CAPS2: variants seen among roughly 807,000 people sequenced by gnomAD.
The protein encoded by CAPS2 is calcyphosine 2.
A neutral mutation model predicts 86.5 loss-of-function variants in CAPS2; 98 were observed. The ratio of observed to expected loss-of-function variants is 1.13; its 90% CI spans 0.96 to 1.34. CAPS2 has a LOEUF of 1.34. CAPS2 is among the 40% of genes most tolerant of loss of function. The pLI, the probability that CAPS2 is intolerant of heterozygous loss-of-function variation, is 0.00. For missense variants in CAPS2, 729 were observed against 686.8 expected (o/e 1.06, Z -0.69); for synonymous variants, 210 against 225.1 (o/e 0.93, Z 0.60).
At chr12:75,363,303 T>C (rs1566004314) in intron 1 of CAPS2, 1 of 437,642 alleles carries the variant, frequency 2.3e-6, no homozygotes, top group Non-Finnish European at 4.0e-6. Context: ...GATTTGACTG[T>C]TGTTATCTTA....
chr12:75,347,034 G>A (rs899794237), intron 1 of CAPS2, among the ~76,000 whole-genome samples: 2 of 151,068 alleles, frequency 1.3e-5, no homozygotes, highest in African/African-American at 4.9e-5. Flanking sequence ...TTCCATAGAA[G>A]TCTTCTTCCT....
intron 11 of CAPS2, among the ~76,000 whole-genome samples, chr12:75,297,202 A>C (rs2037055039): frequency 6.6e-6 from 1 of 152,224 alleles, no homozygotes; most frequent in South Asian, 2.1e-4. Context: ...AAACTACACT[A>C]AATTTTTGGA....
intron 12 of CAPS2, among the ~76,000 whole-genome samples, chr12:75,292,608 T>C (rs1233955072): frequency 6.8e-6 from 1 of 146,854 alleles, no homozygotes; most frequent in African/African-American, 2.5e-5. Flanking sequence ...ATACATATTA[T>C]ATATGTATCT....
chr12:75,335,758 A>G (rs563821016), intron 1 of CAPS2, among the ~76,000 whole-genome samples: 121 of 152,224 alleles, frequency 7.9e-4, no homozygotes, highest in Non-Finnish European at 1.5e-3. Context: ...AGAATAAACT[A>G]ATCTCTTTAA....
intron 13 of CAPS2, among the ~76,000 whole-genome samples, 175 bp downstream of exon 13, chr12:75,291,569 A>G (rs1215288085): frequency 6.0e-5 from 1 of 16,552 alleles, no homozygotes; most frequent in South Asian, 2.1e-3. Context: ...TTTTAAAAGT[A>G]TATATATATA....
intron 8 of CAPS2, among the ~76,000 whole-genome samples, chr12:75,301,284 C>T (rs2037782377): frequency 6.6e-6 from 1 of 152,182 alleles, no homozygotes; most frequent in Non-Finnish European, 1.5e-5. Context: ...GAAAGCTACA[C>T]CTCTATAAAA....
chr12:75,290,481 G>T (rs1467149332), intron 13 of CAPS2, among the ~76,000 whole-genome samples: 2 of 152,006 alleles, frequency 1.3e-5, no homozygotes, highest in Non-Finnish European at 2.9e-5. Flanking sequence ...GACAAATACT[G>T]TATTGACAAT....
In CAPS2 at chr12:75,316,386, T is replaced by C. The variant is rs1394932746; in HGVS notation, c.517A>G (p.Arg173Gly). Residue 173 changes from arginine to glycine, a missense_variant, in exon 6 of 17, where the codon AGG (arginine) becomes GGG (glycine). By Grantham distance (125) the Arg-to-Gly change is moderately radical. Transcript: ENST00000393284. ...TAACCTTGCTGTAAGATGGCTTTCC[T>C]ATCCAGAGTCGTAAGGTCATCTGTG... 2.6e-6 allele frequency: 4 copies of C among 1,550,962 alleles called. No homozygotes were observed. The highest frequency in any genetic ancestry group is 1.4e-5 in the African/African-American group (1 of 73,022).
chr12:75,298,513 TG>T, intron 11 of CAPS2, 173 bp downstream of exon 11: 1 of 532,868 alleles, frequency 1.9e-6, no homozygotes, highest in Non-Finnish European at 3.4e-6. Context: ...GATTTGGGGC[TG>T]GGAAGCAGAA....
At chr12:75,387,373 T>C (rs2045345765) in intron 1 of CAPS2, among the ~76,000 whole-genome samples, 1 of 152,106 alleles carries the variant, frequency 6.6e-6, no homozygotes, top group South Asian at 2.1e-4. Flanking sequence ...ACACACCTTT[T>C]AGAATGGCCA....
intron 1 of CAPS2, chr12:75,343,640 A>T: frequency 1.5e-6 from 2 of 1,337,836 alleles, no homozygotes; most frequent in Non-Finnish European, 2.0e-6. Flanking sequence ...AATTAGAATA[A>T]TTTAATGCAA....
At chr12:75,351,545 G>GTTTTTTTTTTTT (rs200327101) in intron 1 of CAPS2, among the ~76,000 whole-genome samples, 1 of 148,430 alleles carries the variant, frequency 6.7e-6, no homozygotes, top group African/African-American at 2.5e-5. Flanking sequence ...ACTCTGTTTT[G>GTTTTTTTTTTTT]TTTTGTTTTT....
rs1291742303 is a variant in CAPS2 at position 75,311,713 on chromosome 12, AAAAAAAAAAAC to A, written c.659+1124_659+1134del. ...GAAGCCATGCAGGAAAAAAAAAAAC[AAAAAAAAAAAC>A]AAAAAAAAAAAAAAAAACCTGCCTC... On this transcript the variant is annotated intron_variant, in intron 7 of 16. Transcript: ENST00000393284. Among the ~76,000 whole-genome samples, 123 of 40,140 alleles carry A rather than the reference AAAAAAAAAAAC, an allele frequency of 3.1e-3. 17 individuals are homozygous for A. The highest frequency in any genetic ancestry group is 9.5e-3 in the African/African-American group (73 of 7,688). The allele number at this position is 40,140 out of a possible 152,430, so 26.3% of individuals were successfully genotyped here.
chr12:75,328,209 T>A (rs1460183810), upstream of CAPS2, among the ~76,000 whole-genome samples: 1 of 152,176 alleles, frequency 6.6e-6, no homozygotes, highest in African/African-American at 2.4e-5. Context: ...ATCACACAAA[T>A]TATTGTATTC....
intron 1 of CAPS2, chr12:75,370,031 G>A (rs763503264): frequency 3.8e-5 from 48 of 1,278,436 alleles, no homozygotes; most frequent in East Asian, 1.9e-4. Flanking sequence ...ATTTCCTCCC[G>A]TTGAAAATCA....
At chr12:75,385,568 C>T (rs2045248520) in intron 1 of CAPS2, among the ~76,000 whole-genome samples, 1 of 152,194 alleles carries the variant, frequency 6.6e-6, no homozygotes, top group Admixed American at 6.5e-5. Flanking sequence ...AGATGCCCCT[C>T]TCATCACTGC....
intron 5 of CAPS2, 59 bp from the exon 6 acceptor site, chr12:75,316,493 C>A: frequency 7.1e-7 from 1 of 1,407,530 alleles, no homozygotes. Flanking sequence ...TTGTTTTTAA[C>A]AAAATATGGG....
At chr12:75,377,934 G>T (rs1006351831) in intron 1 of CAPS2, among the ~76,000 whole-genome samples, 5 of 150,838 alleles carry the variant, frequency 3.3e-5, no homozygotes, top group African/African-American at 1.2e-4. Context: ...ATTTTTAATA[G>T]AACTGAACAT....
At chr12:75,321,357 TTCTTTA>T in intron 5 of CAPS2, 37 bp downstream of exon 5, 1 of 1,275,064 alleles carries the variant, frequency 7.8e-7, no homozygotes, top group Non-Finnish European at 1.1e-6. Context: ...ATGTGCAGTT[TTCTTTA>T]AATGTCATTA....
Sources: gnomAD v4.1 joint callset for allele counts (sites outside exome capture counted in the v4.1 genomes callset) on GRCh38, gnomAD v4.1.1 for gene constraint, MANE v1.5 for transcripts, NCBI Gene and HGNC (gene_info 2026-07-23, HGNC 2026-07-21) for gene names.